MAG: variants seen among roughly 807,000 people sequenced by gnomAD.
MAG encodes the protein myelin associated glycoprotein.
Under a neutral mutation model 60.7 loss-of-function variants are expected in MAG, and 30 were observed. The ratio of observed to expected loss-of-function variants is 0.49; its 90% CI spans 0.37 to 0.67. MAG has a LOEUF of 0.67. Ranked by LOEUF, MAG falls within the 30% of genes least tolerant of loss-of-function variation. The pLI is 0.00. For missense variants in MAG, 795 were observed against 851.7 expected (o/e 0.93, Z 0.83); for synonymous variants, 384 against 376.8 (o/e 1.02, Z -0.22).
At chr19:35,307,171 G>A (rs1188942564) in intron 7 of MAG, among the ~76,000 whole-genome samples, 9 of 152,246 alleles carry the variant, frequency 5.9e-5, no homozygotes, top group Admixed American at 5.2e-4. Flanking sequence ...ACTCCGTGGC[G>A]TGTTAGCTGG....
rs1434326122 is a variant in MAG, at chr19:35,309,912, G to A, written c.1270G>A (p.Ala424Thr). 28 of 1,613,396 alleles carry A rather than the reference G, an allele frequency of 1.7e-5. No individual in the cohort carries two copies. Among genetic ancestry groups the A allele is most frequent in the Non-Finnish European group, 2.1e-5 (25 of 1,179,888 alleles). The stretch of plus-strand genomic sequence containing the variant: ...CCTCCTGGAGTCCCACTGCGCGGCA[G>A]CCCGAGACACGGTGCAGTGCCTGTG... The part of the protein sequence containing the change: ...VLLLESHCAA[A>T]RDTVQCLCVV... The change falls in exon 8 of 11, where the codon GCC becomes ACC. Residue 424 changes from alanine (A) to threonine (T), a missense_variant. Physicochemically the swap from Ala to Thr is moderately conservative, Grantham distance 58. Coordinates refer to ENST00000392213, the MANE Select transcript of MAG (RefSeq NM_002361.4).
At chr19:35,306,556 G>C (rs1196254217) in intron 7 of MAG, among the ~76,000 whole-genome samples, 3 of 152,114 alleles carry the variant, frequency 2.0e-5, no homozygotes, top group Non-Finnish European at 4.4e-5. Context: ...TCACACTTCA[G>C]CCTCCTGAGT....
rs1315662255 is a variant in MAG, at chr19:35,295,338, C to G, written c.-23-48C>G. The G allele has an allele frequency of 6.5e-7, 1 of 1,535,664 alleles. No homozygotes were observed. Among genetic ancestry groups the G allele is most frequent in the Non-Finnish European group, 9.0e-7 (1 of 1,114,816 alleles). ...CCCTTCCTGAAGCCCAGATGGAACA[C>G]CCCCTTTCACTTCCCCCAGCCTTTA... On this transcript the variant is annotated intron_variant, in intron 2 of 10. Transcript: ENST00000392213. The surrounding 1 kb of genome is among the most constrained non-coding windows in gnomAD (Gnocchi z 5.8).
At position 35,310,159 on chromosome 19, in the gene MAG, C is replaced by T; in HGVS notation, c.1517C>T (p.Ala506Val). The change falls in exon 8 of 11, where the codon GCC (alanine) becomes GTC (valine). Residue 506 changes from alanine to valine, a missense_variant and splice_region_variant. By Grantham distance (64) the Ala-to-Val change is moderately conservative (BLOSUM62 0). Coordinates refer to ENST00000392213, the MANE Select transcript of MAG (RefSeq NM_002361.4). ...AGCCTGGAGCTGCCCTTCCAGGGAG[C>T]CCGTGAGTGGCGTGGACTTGGGGTG... Reference protein sequence around the residue: ...AKSLELPFQGAHRLMWAKIGP... With the variant: ...AKSLELPFQGVHRLMWAKIGP... 1.9e-6 allele frequency: 3 copies of T among 1,602,498 alleles called. 1 individual carries two copies. The highest frequency in any genetic ancestry group is 3.3e-4 in the Middle Eastern group (2 of 6,018).
At chr19:35,309,687 G>A (rs552734338) in intron 7 of MAG, 187 bp from the exon 8 acceptor site, 6 of 640,340 alleles carry the variant, frequency 9.4e-6, no homozygotes, top group South Asian at 7.6e-5. Context: ...GGCAGCCGGC[G>A]GGGTCGTAGT....
Position 35,300,177 on chromosome 19 carries a change from C to T in MAG, c.743C>T (p.Ser248Leu). ...CCGGTGATTGTGGAGATGAACTCCT[C>T]GGTGGAGGCCATCGAGGGCTCCCAC... ...YPPVIVEMNS[S>L]VEAIEGSHVS... The change falls in exon 6 of 11, where the codon TCG becomes TTG. Residue 248 changes from serine to leucine, a missense_variant. Coordinates refer to ENST00000392213, the MANE Select transcript of MAG (RefSeq NM_002361.4). 8 of 1,557,276 alleles carry T rather than the reference C, an allele frequency of 5.1e-6. No homozygotes were observed. Among genetic ancestry groups the T allele is most frequent in the Non-Finnish European group, 7.0e-6 (8 of 1,147,124 alleles).
chr19:35,298,033 CACCACAT>C (rs2066415708), intron 4 of MAG, among the ~76,000 whole-genome samples: 1 of 150,264 alleles, frequency 6.7e-6, no homozygotes, highest in Non-Finnish European at 1.5e-5. Context: ...ACACACCACA[CACCACAT>C]AAACTACACA....
chr19:35,310,184 G>T, intron 8 of MAG, 23 bp downstream of exon 8: 2 of 1,589,290 alleles, frequency 1.3e-6, no homozygotes, highest in South Asian at 2.3e-5. Context: ...GACTTGGGGT[G>T]GGAGCCACAG....
Position 35,295,654 on chromosome 19 carries a change from A to C in MAG, c.88A>C (p.Ile30Leu). ...GHWGAWMPSS[I>L]SAFEGTCVSI... ...CTGGGGTGCCTGGATGCCCTCGTCCATCTCGGCCTTCGAAGGCACGTGCGT... is the reference window on the plus strand; with the variant it reads ...CTGGGGTGCCTGGATGCCCTCGTCCCTCTCGGCCTTCGAAGGCACGTGCGT... The change falls in exon 4 of 11, where the codon ATC (isoleucine) becomes CTC (leucine). Residue 30 changes from isoleucine to leucine, a missense_variant. By Grantham distance (5) the Ile-to-Leu change is conservative (BLOSUM62 2). Coordinates refer to ENST00000392213, the MANE Select transcript of MAG (RefSeq NM_002361.4). The surrounding 1 kb of genome is among the most constrained non-coding windows in gnomAD (Gnocchi z 5.8). 2.3e-5 allele frequency: 37 copies of C among 1,611,238 alleles called. No individual in the cohort carries two copies. The highest frequency in any genetic ancestry group is 3.1e-5 in the Non-Finnish European group (37 of 1,179,704).
chr19:35,300,076 C>T, intron 5 of MAG, 71 bp from the exon 6 acceptor site: 1 of 1,403,850 alleles, frequency 7.1e-7, no homozygotes, highest in Non-Finnish European at 9.3e-7. Flanking sequence ...GGGGCGGGGC[C>T]GGGCTGGGAG....
In MAG at chr19:35,295,590, T is replaced by G; in HGVS notation, c.47-23T>G. The G allele has an allele frequency of 6.3e-7, 1 of 1,594,872 alleles. No individual in the cohort carries two copies. Among genetic ancestry groups the G allele is most frequent in the Non-Finnish European group, 8.5e-7 (1 of 1,171,588 alleles). On this transcript the variant is annotated intron_variant, in intron 3 of 10. Coordinates refer to ENST00000392213, the MANE Select transcript of MAG (RefSeq NM_002361.4). This position sits in a 1 kb window ranked among gnomAD's most constrained non-coding sequence, Gnocchi z 5.8. Reference sequence around the variant, plus strand: ...ATCGGGTAGGACGTGTCCCTGAGCCTCAGCTCTCCTGCTTGCCCGCAGCCT... The same window carrying G: ...ATCGGGTAGGACGTGTCCCTGAGCCGCAGCTCTCCTGCTTGCCCGCAGCCT...
chr19:35,310,512 A>T (rs2066518970), intron 8 of MAG, 35 bp from the exon 9 acceptor site: 1 of 1,573,198 alleles, frequency 6.4e-7, no homozygotes, highest in Non-Finnish European at 8.8e-7. Flanking sequence ...CACCACCCAT[A>T]GCCCTAAGGG....
At chr19:35,310,903 A>G (rs2066522303) in intron 9 of MAG, among the ~76,000 whole-genome samples, 1 of 152,148 alleles carries the variant, frequency 6.6e-6, no homozygotes, top group Non-Finnish European at 1.5e-5. Flanking sequence ...CTATTTTGAC[A>G]GCCTCCCTAT....
Position 35,313,649 on chromosome 19 carries a change from C to A in MAG, c.*195C>A. ...CTCCCTGCCAGCACCCCCACGCCCT[C>A]ATTACGGCTCCTCTCTAACCTCCTT... On this transcript the variant is annotated 3_prime_UTR_variant, in exon 11 of 11. Transcript: ENST00000392213. 1.7e-6 allele frequency: 1 copy of A among 572,568 alleles called. No individual in the cohort carries two copies. Among genetic ancestry groups the A allele is most frequent in the Non-Finnish European group, 3.1e-6 (1 of 321,620 alleles). 35.5% of individuals were successfully genotyped at this position (572,568 alleles called of 1,614,324 possible).
chr19:35,312,972 G>A (rs1469391268), intron 10 of MAG, among the ~76,000 whole-genome samples: 1 of 152,208 alleles, frequency 6.6e-6, no homozygotes, highest in Non-Finnish European at 1.5e-5. Context: ...CCAGGAAGTG[G>A]AGGCTGCAGT....
chr19:35,300,974 GC>G (rs1166653691), intron 6 of MAG, among the ~76,000 whole-genome samples: 1 of 152,176 alleles, frequency 6.6e-6, no homozygotes, highest in East Asian at 1.9e-4. Context: ...GCTCAAGCAA[GC>G]CTCCCACCTC....
rs1239835065 is a variant in MAG at position 35,293,942 on chromosome 19, G to T, written c.-79-293G>T. 6.6e-6 allele frequency among the ~76,000 whole-genome samples: 1 copy of T among 151,920 alleles called. No homozygotes were observed. Among genetic ancestry groups the T allele is most frequent in the Non-Finnish European group, 1.5e-5 (1 of 67,988 alleles). ...TCCCTGCCCGCCACCCCCAGGCCCC[G>T]GCCGTGGGACATCTGCTCCCTCACT... is the stretch of plus-strand genomic sequence containing the variant. On this transcript the variant is annotated intron_variant, in intron 1 of 10. Coordinates refer to ENST00000392213, the MANE Select transcript of MAG (RefSeq NM_002361.4). The surrounding 1 kb of genome is among the most constrained non-coding windows in gnomAD (Gnocchi z 4.0).
chr19:35,305,363 T>G (rs573519318), intron 7 of MAG, among the ~76,000 whole-genome samples: 3 of 152,324 alleles, frequency 2.0e-5, no homozygotes, highest in Non-Finnish European at 4.4e-5. Flanking sequence ...ATGCAGGAAG[T>G]GTGCAACCTT....
At position 35,299,551 on chromosome 19, in the gene MAG, T is replaced by C. The variant is rs201540589; in HGVS notation, c.416-3T>C. The C allele has an allele frequency of 1.7e-5, 27 of 1,579,894 alleles. No individual in the cohort carries two copies. Among genetic ancestry groups the C allele is most frequent in the African/African-American group, 1.2e-4 (9 of 74,102 alleles). ...CAGCCCTCCCTTTCCCCGCCTCGTA[T>C]AGACACCCCCAACATCGTGGTGCCC... On this transcript the variant is annotated splice_polypyrimidine_tract_variant and splice_region_variant and intron_variant, in intron 4 of 10. Transcript: ENST00000392213.
Sources: allele counts gnomAD v4.1 joint callset (sites outside exome capture counted in the v4.1 genomes callset), GRCh38; gene constraint gnomAD v4.1.1; non-coding constraint Gnocchi (gnomAD v3.1); transcripts MANE v1.5; gene names NCBI Gene and HGNC (gene_info 2026-07-23, HGNC 2026-07-21).